FHIT: variants seen among roughly 807,000 people sequenced by gnomAD.
FHIT encodes fragile histidine triad diadenosine triphosphatase.
A neutral mutation model predicts 17.9 loss-of-function variants in FHIT; 19 were observed. That is an observed-to-expected ratio of 1.06 (90% CI 0.74 to 1.56). FHIT has a LOEUF of 1.56. FHIT is among the 40% of genes most tolerant of loss of function. FHIT has a pLI of 0.00. For synonymous variants in FHIT, 81 were observed against 69.7 expected (o/e 1.16, Z -0.81); for missense variants, 248 against 189.2 (o/e 1.31, Z -1.82).
intron 4 of FHIT, among the ~76,000 whole-genome samples, chr3:60,578,645 ATAATT>A (rs1234898028): frequency 6.6e-6 from 1 of 152,172 alleles, no homozygotes; most frequent in Non-Finnish European, 1.5e-5. Flanking sequence ...CATTTAAAGA[ATAATT>A]TAAAAGAAAA....
intron 5 of FHIT, among the ~76,000 whole-genome samples, chr3:60,043,345 G>A (rs1004645777): frequency 6.6e-6 from 1 of 152,204 alleles, no homozygotes; most frequent in Non-Finnish European, 1.5e-5. Flanking sequence ...CCTGGTTGGA[G>A]ATAATAAGTA....
At chr3:60,815,223 G>A (rs1701698546) in intron 4 of FHIT, among the ~76,000 whole-genome samples, 1 of 152,038 alleles carries the variant, frequency 6.6e-6, no homozygotes. Context: ...CTTTTGCTGT[G>A]CAGAAGCTCT....
At chr3:59,966,249 G>C (rs756284562) in intron 7 of FHIT, among the ~76,000 whole-genome samples, 2 of 152,114 alleles carry the variant, frequency 1.3e-5, no homozygotes, top group Non-Finnish European at 2.9e-5. Context: ...CCTCTTTCTT[G>C]TCCCCCAAGC....
intron 5 of FHIT, among the ~76,000 whole-genome samples, chr3:60,099,115 C>A (rs1172990731): frequency 6.6e-6 from 1 of 152,138 alleles, no homozygotes; most frequent in East Asian, 1.9e-4. Context: ...CCCAACACTC[C>A]AGCCAAAGAG....
chr3:60,207,947 G>C (rs1030786269), intron 5 of FHIT, among the ~76,000 whole-genome samples: 2 of 152,158 alleles, frequency 1.3e-5, no homozygotes, highest in African/African-American at 2.4e-5. Context: ...TACAGCTCAG[G>C]AAGGTGAGGA....
chr3:61,190,976 A>G (rs1156837389), intron 2 of FHIT, among the ~76,000 whole-genome samples: 1 of 151,900 alleles, frequency 6.6e-6, no homozygotes, highest in Non-Finnish European at 1.5e-5. Flanking sequence ...GATACACCTA[A>G]TGCTAAATGA....
rs572734499 is a variant in FHIT, at chr3:60,974,758, AT to A, written c.-111+67288del. 2.5e-4 allele frequency among the ~76,000 whole-genome samples: 38 copies of A among 152,290 alleles called. No homozygotes were observed. In the South Asian group the frequency reaches 6.2e-3, roughly 25 times the overall value. ...ACATGTTTTTGTGGTGATAAGATTT[AT>A]TCCAGTCCACTGATAATGTTTTACT... On this transcript the variant is annotated intron_variant, in intron 3 of 9. Transcript: ENST00000492590.
chr3:60,904,868 G>A (rs1040556046), intron 3 of FHIT, among the ~76,000 whole-genome samples: 22 of 151,000 alleles, frequency 1.5e-4, no homozygotes, highest in Non-Finnish European at 2.7e-4. Context: ...GAACCCGGGA[G>A]GCGGAGGTTG....
At chr3:60,293,458 T>A (rs1708075382) in intron 5 of FHIT, among the ~76,000 whole-genome samples, 1 of 152,148 alleles carries the variant, frequency 6.6e-6, no homozygotes. Context: ...TGGAAGGAGA[T>A]TAAGCGTATA....
intron 5 of FHIT, among the ~76,000 whole-genome samples, chr3:60,506,039 C>A (rs1050627397): frequency 2.0e-5 from 3 of 152,154 alleles, no homozygotes; most frequent in African/African-American, 7.2e-5. Context: ...ATATGACCAA[C>A]TTTATCATTA....
At chr3:60,161,229 C>T (rs951109610) in intron 5 of FHIT, among the ~76,000 whole-genome samples, 8 of 152,186 alleles carry the variant, frequency 5.3e-5, no homozygotes, top group Admixed American at 2.0e-4. Context: ...TTGCCAACTG[C>T]GTTGTCCCTA....
At chr3:60,225,669 T>TA (rs1704164502) in intron 5 of FHIT, among the ~76,000 whole-genome samples, 1 of 152,186 alleles carries the variant, frequency 6.6e-6, no homozygotes, top group South Asian at 2.1e-4. Flanking sequence ...GCTGTTCTGT[T>TA]AAATACCAGA....
intron 4 of FHIT, among the ~76,000 whole-genome samples, chr3:60,722,714 T>TC (rs1553708396): frequency 6.8e-6 from 1 of 147,958 alleles, no homozygotes; most frequent in African/African-American, 2.6e-5. Context: ...AATCTTTTTT[T>TC]TTTTTTTTTT....
chr3:60,203,785 G>C (rs1426038907), intron 5 of FHIT, among the ~76,000 whole-genome samples: 1 of 152,116 alleles, frequency 6.6e-6, no homozygotes, highest in Non-Finnish European at 1.5e-5. Context: ...TTCACAAATA[G>C]ACAAGAAGGG....
chr3:60,135,168 A>G (rs1699763534), intron 5 of FHIT, among the ~76,000 whole-genome samples: 1 of 152,178 alleles, frequency 6.6e-6, no homozygotes, highest in Non-Finnish European at 1.5e-5. Flanking sequence ...AAAGATAGAT[A>G]GATTCCAAAG....
intron 8 of FHIT, among the ~76,000 whole-genome samples, chr3:59,871,759 A>T (rs1235249453): frequency 6.6e-6 from 1 of 152,148 alleles, no homozygotes; most frequent in Non-Finnish European, 1.5e-5. Flanking sequence ...CAGGTAGCCT[A>T]ATTTCCTTTT....
intron 5 of FHIT, among the ~76,000 whole-genome samples, chr3:60,149,218 T>C (rs918988079): frequency 1.2e-4 from 18 of 152,284 alleles, no homozygotes; most frequent in Admixed American, 4.6e-4. Flanking sequence ...ATCTATGCCA[T>C]AGGATTTAGA....
intron 5 of FHIT, among the ~76,000 whole-genome samples, chr3:60,318,618 T>C (rs918461829): frequency 6.6e-6 from 1 of 152,208 alleles, no homozygotes; most frequent in Non-Finnish European, 1.5e-5. Flanking sequence ...GATCATGTGA[T>C]GTGATGGACA....
At chr3:60,119,692 T>C (rs1206448086) in intron 5 of FHIT, among the ~76,000 whole-genome samples, 2 of 152,208 alleles carry the variant, frequency 1.3e-5, no homozygotes. Flanking sequence ...TTGCCTCCTA[T>C]GGTCAGCATC....
Sources: allele counts gnomAD v4.1 joint callset (sites outside exome capture counted in the v4.1 genomes callset), GRCh38; gene constraint gnomAD v4.1.1; transcripts MANE v1.5; gene names NCBI Gene and HGNC (gene_info 2026-07-23, HGNC 2026-07-21).